DLG2: variants seen among roughly 807,000 people sequenced by gnomAD.
The protein encoded by DLG2 is discs large MAGUK scaffold protein 2, also known as disks large homolog 2.
In DLG2, 45 loss-of-function variants were observed where a neutral mutation model predicts 132.5. The observed-to-expected ratio is 0.34, with a 90% CI of 0.27 to 0.44. DLG2 has a LOEUF of 0.44. Among genes scored for constraint, DLG2 ranks in the 20% least tolerant of loss-of-function variants. DLG2 has a pLI of 1.00. For synonymous variants in DLG2, 424 were observed against 419.6 expected, an observed-to-expected ratio of 1.01 and a Z score of -0.13; for missense variants, 1,045 against 1,196.9, an observed-to-expected ratio of 0.87 and a Z score of 1.87.
At chr11:84,521,729 G>A (rs1591478289) in intron 7 of DLG2, among the ~76,000 whole-genome samples, 1 of 152,108 alleles carries the variant, frequency 6.6e-6, no homozygotes, top group East Asian at 1.9e-4. Context: ...AGCTTTAATT[G>A]TTTATAAGAG....
intron 6 of DLG2, among the ~76,000 whole-genome samples, chr11:85,071,585 G>T (rs1444137699): frequency 6.6e-6 from 1 of 151,762 alleles, no homozygotes; most frequent in East Asian, 1.9e-4. Flanking sequence ...GTGCTTCATT[G>T]ATGACATCTG....
intron 19 of DLG2, among the ~76,000 whole-genome samples, chr11:83,627,357 T>G (rs977068110): frequency 2.0e-5 from 3 of 148,006 alleles, no homozygotes; most frequent in African/African-American, 7.4e-5. Context: ...ATCCCTCCCC[T>G]CTTCCCCCAC....
intron 3 of DLG2, among the ~76,000 whole-genome samples, chr11:85,526,442 A>C (rs569561566): frequency 1.3e-5 from 2 of 152,300 alleles, no homozygotes; most frequent in South Asian, 4.1e-4. Context: ...CTATATCCAA[A>C]TATCTTTCAA....
At chr11:85,391,860 C>T (rs2086825928) in intron 3 of DLG2, among the ~76,000 whole-genome samples, 1 of 151,984 alleles carries the variant, frequency 6.6e-6, no homozygotes, top group Admixed American at 6.6e-5. Context: ...TGAAAGCATC[C>T]CTGCTGAGAA....
chr11:83,968,858 T>G (rs2090762950), intron 12 of DLG2, among the ~76,000 whole-genome samples: 1 of 152,102 alleles, frequency 6.6e-6, no homozygotes, highest in South Asian at 2.1e-4. Context: ...AATACACAAT[T>G]GTTTGTGGAA....
intron 6 of DLG2, among the ~76,000 whole-genome samples, chr11:84,828,430 T>G (rs4944496): frequency 6.6e-6 from 1 of 151,578 alleles, no homozygotes; most frequent in African/African-American, 2.4e-5. Context: ...AGAATAAGAA[T>G]AGCTGATGAG....
intron 4 of DLG2, among the ~76,000 whole-genome samples, chr11:85,190,145 T>C (rs1459299335): frequency 6.6e-6 from 1 of 152,062 alleles, no homozygotes; most frequent in Non-Finnish European, 1.5e-5. Context: ...GTAATCAGTA[T>C]AGAAAATTTC....
At chr11:85,214,594 C>A (rs531272430) in intron 4 of DLG2, among the ~76,000 whole-genome samples, 2 of 152,258 alleles carry the variant, frequency 1.3e-5, no homozygotes, top group South Asian at 4.1e-4. Flanking sequence ...GTATCTACAT[C>A]TCTTTTTGCA....
At chr11:83,858,223 T>C (rs1389566215) in intron 16 of DLG2, among the ~76,000 whole-genome samples, 1 of 152,164 alleles carries the variant, frequency 6.6e-6, no homozygotes, top group African/African-American at 2.4e-5. Flanking sequence ...GAAAATTACA[T>C]GGAAGGAATT....
chr11:85,468,057 G>T (rs2092855644), intron 3 of DLG2, among the ~76,000 whole-genome samples: 1 of 152,154 alleles, frequency 6.6e-6, no homozygotes, highest in Admixed American at 6.5e-5. Flanking sequence ...ATGTGTTGAG[G>T]AATTTAGCCA....
At chr11:83,848,126 T>A (rs1211896515) in intron 16 of DLG2, among the ~76,000 whole-genome samples, 1 of 60,698 alleles carries the variant, frequency 1.6e-5, no homozygotes, top group African/African-American at 6.0e-5. Context: ...CCCCACACCT[T>A]TTTTTTTTTT....
intron 14 of DLG2, among the ~76,000 whole-genome samples, chr11:83,946,065 C>T (rs1204468375): frequency 1.3e-5 from 2 of 150,638 alleles, no homozygotes; most frequent in African/African-American, 4.9e-5. Context: ...TCAAGGCTCA[C>T]CGCAACCTCT....
intron 5 of DLG2, among the ~76,000 whole-genome samples, chr11:85,129,810 T>C (rs566270530): frequency 6.6e-6 from 1 of 152,284 alleles, no homozygotes; most frequent in Admixed American, 6.5e-5. Context: ...CCAACCCAAA[T>C]GACCATCAAT....
At chr11:84,210,108 C>A (rs999660135) in intron 8 of DLG2, among the ~76,000 whole-genome samples, 3 of 151,710 alleles carry the variant, frequency 2.0e-5, no homozygotes, top group African/African-American at 7.3e-5. Flanking sequence ...CATGGTGAAA[C>A]CCTATCTCTA....
intron 6 of DLG2, among the ~76,000 whole-genome samples, chr11:84,702,368 T>C (rs555349960): frequency 6.6e-6 from 1 of 151,834 alleles, no homozygotes; most frequent in Admixed American, 6.6e-5. Context: ...TCATCAACCA[T>C]GTGAATGGTT....
chr11:84,425,481 T>C (rs1188550393), intron 7 of DLG2, among the ~76,000 whole-genome samples: 1 of 152,138 alleles, frequency 6.6e-6, no homozygotes, highest in African/African-American at 2.4e-5. Context: ...CTAAAGGAAA[T>C]TCTTACTTGT....
intron 15 of DLG2, among the ~76,000 whole-genome samples, chr11:83,894,441 G>A (rs933072422): frequency 1.3e-5 from 2 of 151,976 alleles, no homozygotes; most frequent in African/African-American, 4.8e-5. Context: ...AAACAAAAAA[G>A]GAAACAAAAA....
At chr11:84,389,134 A>G (rs1001265198) in intron 7 of DLG2, among the ~76,000 whole-genome samples, 1 of 152,172 alleles carries the variant, frequency 6.6e-6, no homozygotes, top group Non-Finnish European at 1.5e-5. Context: ...TTAATTTGAA[A>G]AGAACTCGCT....
intron 17 of DLG2, among the ~76,000 whole-genome samples, chr11:83,829,300 G>A (rs1026038085): frequency 6.7e-6 from 1 of 149,708 alleles, no homozygotes; most frequent in Non-Finnish European, 1.5e-5. Context: ...GGGTTCAACC[G>A]ATTCTCCTGA....
Sources: allele counts gnomAD v4.1 joint callset (sites outside exome capture counted in the v4.1 genomes callset), GRCh38; gene constraint gnomAD v4.1.1; transcripts MANE v1.5; gene names NCBI Gene and HGNC (gene_info 2026-07-23, HGNC 2026-07-21).